The following INTS1 variants were observed in gnomAD, a reference collection of about 807,000 sequenced individuals.
The protein encoded by INTS1 is integrator complex subunit 1.
Under a neutral mutation model 241.6 loss-of-function variants are expected in INTS1, and 137 were observed. The observed-to-expected ratio is 0.57, with a 90% CI of 0.49 to 0.65. INTS1 has a LOEUF of 0.65. INTS1 is among the 30% of genes least tolerant of loss of function. The pLI is 0.00. For missense variants in INTS1, 3,073 were observed against 3,032.2 expected, an observed-to-expected ratio of 1.01 and a Z score of -0.32; for synonymous variants, 1,692 against 1,337.8, an observed-to-expected ratio of 1.26 and a Z score of -5.78.
intron 45 of INTS1, 96 bp from the exon 46 acceptor site, chr7:1,471,320 C>T (rs1325428357): frequency 1.5e-6 from 2 of 1,300,030 alleles, no homozygotes; most frequent in East Asian, 2.5e-5. Context: ...GCGGCAACGG[C>T]AGGGACCCTA....
In INTS1 at chr7:1,474,156, G is replaced by A. The variant is rs760097740; in HGVS notation, c.5829+12C>T. 2.1e-5 allele frequency: 32 copies of A among 1,548,238 alleles called. No homozygotes were observed. The highest frequency in any genetic ancestry group is 8.3e-5 in the South Asian group (7 of 84,026). On this transcript the variant is annotated intron_variant, in intron 41 of 47. Transcript: ENST00000404767. ...GGAAGGGAGCGCGAGGGCGGGCGGC[G>A]GGAGCACACACCAGCAGCAGGCGGA... is the stretch of plus-strand genomic sequence containing the variant.
At chr7:1,501,665 T>C (rs1783189455) in intron 3 of INTS1, among the ~76,000 whole-genome samples, 1 of 152,176 alleles carries the variant, frequency 6.6e-6, no homozygotes, top group Non-Finnish European at 1.5e-5. Flanking sequence ...GGATGAGGCC[T>C]GTGGTCTCTG....
Position 1,470,282 on chromosome 7 carries a change from T to G in INTS1, c.*295A>C. On this transcript the variant is annotated 3_prime_UTR_variant, in exon 48 of 48. Transcript: ENST00000404767. ...GGGACACCAGAGAGCACACAGACAG[T>G]TCAGGTCGTTTCATTCAAAACCAGC... The G allele has an allele frequency of 2.7e-6, 1 of 373,710 alleles. No homozygotes were observed. The allele number at this position is 373,710 out of a possible 1,614,324, so 23.1% of individuals were successfully genotyped here. A position where few individuals can be genotyped will look rare whatever the true frequency, so the allele number is the denominator to read the frequency against.
Position 1,476,674 on chromosome 7 carries a change from G to A in INTS1, c.5064-17C>T, listed in dbSNP as rs578090317. On this transcript the variant is annotated splice_polypyrimidine_tract_variant and intron_variant, in intron 36 of 47. Transcript: ENST00000404767. The stretch of plus-strand genomic sequence containing the variant: ...GGGTCGAACCTGTGGGGAGGCAAAG[G>A]TTCCAGAGCACGAGGTGTCTCGTCT... 2 of 1,612,586 alleles carry A rather than the reference G, an allele frequency of 1.2e-6. No homozygotes were observed. The highest frequency in any genetic ancestry group is 1.1e-5 in the South Asian group (1 of 91,084).
chr7:1,499,803 A>G (rs1783067094), intron 5 of INTS1, 81 bp downstream of exon 5: 2 of 1,521,354 alleles, frequency 1.3e-6, no homozygotes, highest in Middle Eastern at 1.7e-4. Context: ...CTCTGGAGAG[A>G]ACACACTTCT....
rs920564883 is a variant in INTS1 at position 1,470,858 on chromosome 7, G to C, written c.6445C>G (p.Leu2149Val). The C allele has an allele frequency of 5.7e-6, 9 of 1,590,712 alleles. No homozygotes were observed. Among genetic ancestry groups the C allele is most frequent in the Middle Eastern group, 1.7e-4 (1 of 6,042 alleles). The change falls in exon 47 of 48, where the codon CTC becomes GTC. Residue 2149 changes from leucine (L) to valine (V), a missense_variant. Transcript: ENST00000404767. ...TALRNLPEYA[L>V]LCQEHAAVLL... ...GGCCAGTCCTCACCTTGGCACAGGA[G>C]AGCGTACTCAGGCAGGTTCCGGAGG...
chr7:1,498,363 G>A, intron 10 of INTS1, 49 bp downstream of exon 10: 1 of 1,606,618 alleles, frequency 6.2e-7, no homozygotes, highest in Non-Finnish European at 8.5e-7. Flanking sequence ...CTCCAGCCCA[G>A]AGCCCCATAT....
At chr7:1,479,345 A>G in intron 31 of INTS1, 85 bp downstream of exon 31, 2 of 1,428,550 alleles carry the variant, frequency 1.4e-6, no homozygotes, top group African/African-American at 2.9e-5. Flanking sequence ...CCCACAGAGG[A>G]GCAGTCACAG....
intron 26 of INTS1, 64 bp from the exon 27 acceptor site, chr7:1,482,771 G>A: frequency 6.4e-7 from 1 of 1,574,494 alleles, no homozygotes; most frequent in Non-Finnish European, 8.6e-7. Context: ...AAGCACCGCT[G>A]GTGCCAAGGC....
chr7:1,499,954 G>A lies in INTS1; in HGVS notation c.614C>T (p.Ser205Phe). ...CATGAGGAGGTTACAGGCCAGCACA[G>A]ACACCAGGCTGTTCCCCTTGGCCTT... ...NFKAKGNSLV[S>F]VLACNLLMAA... is the part of the protein sequence containing the mutation. The change falls in exon 5 of 48, where the codon TCT becomes TTT. Residue 205 changes from serine (S) to phenylalanine (F), a missense_variant. Physicochemically the swap from Ser to Phe is radical, Grantham distance 155. Coordinates refer to ENST00000404767, the MANE Select transcript of INTS1 (RefSeq NM_001080453.3). 1 of 1,613,726 alleles carries A rather than the reference G, an allele frequency of 6.2e-7. No homozygotes were observed. Among genetic ancestry groups the A allele is most frequent in the Non-Finnish European group, 8.5e-7 (1 of 1,179,860 alleles).
Position 1,473,570 on chromosome 7 carries a change from G to C in INTS1, c.5953C>G (p.Leu1985Val), listed in dbSNP as rs1173107325. ...CTGCAGCCCGTGGGCACTCACTGGAGCGGGTCGGCGTGCTTCTGCAGGAAG... is the reference window on the plus strand; with the variant it reads ...CTGCAGCCCGTGGGCACTCACTGGACCGGGTCGGCGTGCTTCTGCAGGAAG... ...ISFLQKHADP[L>V]HDLSFDNSDL... Residue 1985 changes from leucine to valine, a missense_variant, in exon 42 of 48, where the codon CTC becomes GTC. Leu to Val is a conservative substitution (Grantham distance 32). Coordinates refer to ENST00000404767, the MANE Select transcript of INTS1 (RefSeq NM_001080453.3). 6.3e-7 allele frequency: 1 copy of C among 1,590,182 alleles called. No individual in the cohort carries two copies. The highest frequency in any genetic ancestry group is 1.3e-5 in the African/African-American group (1 of 74,582).
chr7:1,478,773 A>G lies in INTS1; in HGVS notation c.4442T>C (p.Leu1481Pro). The G allele has an allele frequency of 6.2e-7, 1 of 1,602,694 alleles. No homozygotes were observed. The highest frequency in any genetic ancestry group is 1.1e-5 in the South Asian group (1 of 89,534). The change falls in exon 32 of 48, where the codon CTC becomes CCC. Residue 1481 changes from leucine to proline, a missense_variant. Coordinates refer to ENST00000404767, the MANE Select transcript of INTS1 (RefSeq NM_001080453.3). ...TGAGGCCTGGCTGGCAAGCATCCTGAGCTGTGCCCGCAGGGGCCCGCCCTC... is the reference window on the plus strand; with the variant it reads ...TGAGGCCTGGCTGGCAAGCATCCTGGGCTGTGCCCGCAGGGGCCCGCCCTC... The part of the protein sequence containing the change: ...GVEGGPLRAQ[L>P]RMLASQASAG...
rs1172722344 is a variant in INTS1 at position 1,497,615 on chromosome 7, G to A, written c.1426-301C>T. Among the ~76,000 whole-genome samples the A allele has an allele frequency of 2.0e-5, 3 of 152,216 alleles. No homozygotes were observed. Among genetic ancestry groups the A allele is most frequent in the Admixed American group, 1.3e-4 (2 of 15,282 alleles). On this transcript the variant is annotated intron_variant, in intron 10 of 47. Transcript: ENST00000404767. The surrounding 1 kb of genome is among the most constrained non-coding windows in gnomAD (Gnocchi z 5.3). ...AGGCGGCAAAGCCATAGAAGCGCGT[G>A]TGCCATCTCAGCCCACCCGTGCGCC...
intron 26 of INTS1, chr7:1,482,996 G>C (rs1365168447): frequency 5.0e-6 from 2 of 397,392 alleles, no homozygotes; most frequent in East Asian, 4.9e-5. Flanking sequence ...TCGGGGCTTT[G>C]CTTGGCTGGA....
chr7:1,474,506 T>G, intron 40 of INTS1, 146 bp from the exon 41 acceptor site: 1 of 1,144,526 alleles, frequency 8.7e-7, no homozygotes, highest in African/African-American at 1.6e-5. Context: ...GGGGATGAGA[T>G]CGCCCCTCTC....
Position 1,503,097 on chromosome 7 carries a change from G to A in INTS1, c.153C>T (p.Ser51=), listed in dbSNP as rs371226645. Residue 51 remains serine (S), a synonymous_variant, in exon 3 of 48, where the codon TCC becomes TCT. Transcript: ENST00000404767. ...CCCGCTTGCGCTCAGAAGGCAGGCC[G>A]GAAGGGGCTGGCTTCAGCAGGGTGG... The part of the protein sequence containing the change: ...TASTLLKPAP[S]GLPSERKRDA... 1.1e-4 allele frequency: 171 copies of A among 1,610,578 alleles called. No individual in the cohort carries two copies. The highest frequency in any genetic ancestry group is 1.1e-4 in the South Asian group (10 of 90,972).
rs961220328 is a variant in INTS1, at chr7:1,497,520, C to T, written c.1426-206G>A. 6.6e-6 allele frequency among the ~76,000 whole-genome samples: 1 copy of T among 152,256 alleles called. No individual in the cohort carries two copies. The highest frequency in any genetic ancestry group is 2.4e-5 in the African/African-American group (1 of 41,562). On this transcript the variant is annotated intron_variant, in intron 10 of 47. Coordinates refer to ENST00000404767, the MANE Select transcript of INTS1 (RefSeq NM_001080453.3). The surrounding 1 kb of genome is among the most constrained non-coding windows in gnomAD (Gnocchi z 5.3). ...ACATCTGATTCCCCTCTCTGAGAAC[C>T]GGCAGGTGGGGAGTCGGTCCTCGTG...
At chr7:1,489,217 A>T (rs1425889215) in intron 18 of INTS1, 127 bp downstream of exon 18, 4 of 118,888 alleles carry the variant, frequency 3.4e-5, no homozygotes, top group Non-Finnish European at 4.6e-5. Flanking sequence ...CAGGTCCATG[A>T]GTCAACAGAA....
chr7:1,495,013 T>C (rs1782776511), intron 13 of INTS1, 120 bp from the exon 14 acceptor site: 1 of 1,177,004 alleles, frequency 8.5e-7, no homozygotes, highest in Non-Finnish European at 1.2e-6. Context: ...GGCTGCCTGG[T>C]GCCCAAGCTC....
Sources: allele counts gnomAD v4.1 joint callset (sites outside exome capture counted in the v4.1 genomes callset), GRCh38; gene constraint gnomAD v4.1.1; non-coding constraint Gnocchi (gnomAD v3.1); transcripts MANE v1.5; gene names NCBI Gene and HGNC (gene_info 2026-07-23, HGNC 2026-07-21).